MTUS2: variants seen among roughly 807,000 people sequenced by gnomAD.
MTUS2 encodes the protein microtubule-associated tumor suppressor candidate 2.
In MTUS2, 40 loss-of-function variants were observed where a neutral mutation model predicts 114.1. The observed-to-expected ratio is 0.35, with a 90% CI of 0.27 to 0.46. The LOEUF (loss-of-function observed/expected upper bound fraction) is 0.46. Among genes scored for constraint, MTUS2 ranks in the 20% least tolerant of loss-of-function variants. The probability of loss-of-function intolerance (pLI) is 1.00; values close to 1 mark genes in which losing one functional copy is unlikely to be tolerated. For missense variants in MTUS2, 1,679 were observed against 1,705.4 expected, an observed-to-expected ratio of 0.98 and a Z score of 0.27; for synonymous variants, 688 against 672.0, an observed-to-expected ratio of 1.02 and a Z score of -0.37.
At chr13:29,029,815 A>G (rs1265458149) in intron 3 of MTUS2, among the ~76,000 whole-genome samples, 1 of 152,174 alleles carries the variant, frequency 6.6e-6, no homozygotes, top group Non-Finnish European at 1.5e-5. Context: ...ACCAGCTCTC[A>G]TGGGAACTAA....
Position 29,262,923 on chromosome 13 carries a change from C to T in MTUS2, c.2645-18781C>T, listed in dbSNP as rs528329726. ...AGAGCTGCTTCTGCTGGTGCTGGTA[C>T]TGATGGTGTCAGCTAACATGTATTG... is the stretch of plus-strand genomic sequence containing the variant. On this transcript the variant is annotated intron_variant, in intron 5 of 15. Coordinates refer to ENST00000612955, the MANE Select transcript of MTUS2 (RefSeq NM_001033602.4). Among the ~76,000 whole-genome samples the T allele has an allele frequency of 3.3e-5, 5 of 152,290 alleles. No individual in the cohort carries two copies. The South Asian group carries it at 1.0e-3, about 32-fold the overall frequency.
At chr13:29,145,584 T>C (rs1440990750) in intron 5 of MTUS2, among the ~76,000 whole-genome samples, 1 of 152,092 alleles carries the variant, frequency 6.6e-6, no homozygotes, top group Non-Finnish European at 1.5e-5. Flanking sequence ...CAATGTTCAG[T>C]TTAGGTTTGT....
intron 2 of MTUS2, among the ~76,000 whole-genome samples, chr13:28,936,494 G>A (rs965886513): frequency 2.6e-5 from 4 of 152,024 alleles, no homozygotes; most frequent in African/African-American, 7.2e-5. Flanking sequence ...GCTTTCCTGC[G>A]GTGCCTGTGC....
intron 7 of MTUS2, among the ~76,000 whole-genome samples, chr13:29,330,373 C>T (rs958977365): frequency 1.3e-5 from 2 of 152,154 alleles, no homozygotes; most frequent in Admixed American, 6.5e-5. Context: ...AATTTTCTCC[C>T]ATTCTGTTGG....
chr13:29,424,119 C>T (rs9508447), intron 8 of MTUS2, among the ~76,000 whole-genome samples: 1 of 151,692 alleles, frequency 6.6e-6, no homozygotes, highest in Non-Finnish European at 1.5e-5. Context: ...CTGCCCACCT[C>T]GGCCTCCATA....
intron 6 of MTUS2, among the ~76,000 whole-genome samples, chr13:29,288,314 A>G (rs1961338518): frequency 6.6e-6 from 1 of 152,194 alleles, no homozygotes; most frequent in Non-Finnish European, 1.5e-5. Flanking sequence ...TGCTAATACC[A>G]AAATGGGAGC....
intron 2 of MTUS2, among the ~76,000 whole-genome samples, chr13:28,848,672 A>G (rs1233540723): frequency 6.6e-6 from 1 of 152,116 alleles, no homozygotes; most frequent in Non-Finnish European, 1.5e-5. Context: ...TTATCACTTT[A>G]TAATAATAAT....
intron 5 of MTUS2, among the ~76,000 whole-genome samples, chr13:29,218,150 C>CAAAAA (rs111986106): frequency 1.6e-4 from 24 of 145,514 alleles, no homozygotes; most frequent in African/African-American, 5.0e-4. Context: ...CAAAACAAAA[C>CAAAAA]AAAAAAAAAA....
At chr13:29,289,534 C>G (rs1424451134) in intron 6 of MTUS2, among the ~76,000 whole-genome samples, 1 of 147,744 alleles carries the variant, frequency 6.8e-6, no homozygotes, top group Non-Finnish European at 1.5e-5. Flanking sequence ...GCAATCTTGG[C>G]TCACTGCAAC....
At chr13:29,347,351 G>T (rs138607839) in intron 7 of MTUS2, among the ~76,000 whole-genome samples, 43 of 151,990 alleles carry the variant, frequency 2.8e-4, no homozygotes, top group South Asian at 2.1e-3. Context: ...TGACACACTG[G>T]GTTTTCATCT....
At chr13:29,091,304 A>G (rs1310724093) in intron 4 of MTUS2, among the ~76,000 whole-genome samples, 1 of 152,128 alleles carries the variant, frequency 6.6e-6, no homozygotes, top group East Asian at 1.9e-4. Context: ...AGACTAATAC[A>G]AGTAGAGTCT....
chr13:29,414,524 T>C (rs1045885268), intron 8 of MTUS2, among the ~76,000 whole-genome samples: 19 of 151,654 alleles, frequency 1.3e-4, no homozygotes, highest in Non-Finnish European at 1.8e-4. Flanking sequence ...CTGATGTTTT[T>C]TGTATGCAAT....
intron 5 of MTUS2, among the ~76,000 whole-genome samples, chr13:29,276,391 G>A (rs952408846): frequency 6.6e-6 from 1 of 152,100 alleles, no homozygotes; most frequent in Non-Finnish European, 1.5e-5. Flanking sequence ...CTTGCAAATG[G>A]TAAGTTGATG....
At chr13:29,451,254 A>G (rs528553397) in intron 9 of MTUS2, among the ~76,000 whole-genome samples, 1 of 152,368 alleles carries the variant, frequency 6.6e-6, no homozygotes, top group African/African-American at 2.4e-5. Flanking sequence ...GAACTATAAT[A>G]TAGTCTATAA....
At chr13:28,830,597 A>G (rs1011766223) in intron 1 of MTUS2, among the ~76,000 whole-genome samples, 2 of 152,190 alleles carry the variant, frequency 1.3e-5, no homozygotes, top group African/African-American at 2.4e-5. Context: ...TTGAAATTAT[A>G]TACTATGAGG....
chr13:28,955,021 C>T (rs1006181772), intron 2 of MTUS2, among the ~76,000 whole-genome samples: 3 of 152,140 alleles, frequency 2.0e-5, no homozygotes, highest in Non-Finnish European at 4.4e-5. Context: ...AGTCAGCAAT[C>T]GATCCTGGTC....
At chr13:29,481,660 A>C (rs933077094) in intron 10 of MTUS2, among the ~76,000 whole-genome samples, 19 of 152,114 alleles carry the variant, frequency 1.2e-4, no homozygotes, top group African/African-American at 3.9e-4. Flanking sequence ...CTGCCCCAGA[A>C]GAGGCTTGTG....
rs572715830 is a variant in MTUS2, at chr13:29,091,412, G to A, written c.2447-9361G>A. Among the ~76,000 whole-genome samples the A allele has an allele frequency of 2.1e-4, 32 of 152,238 alleles. No homozygotes were observed. The South Asian group carries it at 2.5e-3, about 12-fold the overall frequency. ...TGTGGCTACAGAGGTCTAGGCAACAGCAACTAAGATATTTAAGGTCCTGTG... is the reference window on the plus strand; with the variant it reads ...TGTGGCTACAGAGGTCTAGGCAACAACAACTAAGATATTTAAGGTCCTGTG... On this transcript the variant is annotated intron_variant, in intron 4 of 15. Transcript: ENST00000612955.
chr13:29,004,202 G>GTGCATGCA (rs5802501), intron 2 of MTUS2, among the ~76,000 whole-genome samples: 6 of 151,382 alleles, frequency 4.0e-5, no homozygotes, highest in Admixed American at 2.6e-4. Flanking sequence ...CACATGTATT[G>GTGCATGCA]TGCATGCATG....
Sources: gnomAD v4.1 joint callset for allele counts (sites outside exome capture counted in the v4.1 genomes callset) on GRCh38, gnomAD v4.1.1 for gene constraint, MANE v1.5 for transcripts, NCBI Gene and HGNC (gene_info 2026-07-23, HGNC 2026-07-21) for gene names.